TNN: variants seen among roughly 807,000 people sequenced by gnomAD.
The protein encoded by TNN is tenascin-N.
TNN carries 122 observed loss-of-function variants against 134.4 expected under a neutral mutation model. The observed-to-expected ratio is 0.91, with a 90% CI of 0.78 to 1.06. The LOEUF (loss-of-function observed/expected upper bound fraction) is 1.06. TNN is among the 50% of genes least tolerant of loss of function. TNN has a pLI of 0.00. For missense variants in TNN, 1,739 were observed against 1,699.4 expected (o/e 1.02, Z -0.41); for synonymous variants, 710 against 670.3 (o/e 1.06, Z -0.91).
At chr1:175,114,737 G>T (rs568569640) in intron 9 of TNN, among the ~76,000 whole-genome samples, 144 of 94,512 alleles carry the variant, frequency 1.5e-3, no homozygotes, top group African/African-American at 5.9e-3. Context: ...TAACTTGGAG[G>T]AAGAAGAAGT....
intron 11 of TNN, among the ~76,000 whole-genome samples, chr1:175,119,026 C>A (rs1258391378): frequency 2.6e-5 from 4 of 152,208 alleles, no homozygotes; most frequent in African/African-American, 9.7e-5. Context: ...AAAGAAAGAA[C>A]AACGTGTTAT....
intron 4 of TNN, among the ~76,000 whole-genome samples, chr1:175,083,350 T>G (rs1270214204): frequency 6.6e-6 from 1 of 152,184 alleles, no homozygotes; most frequent in Admixed American, 6.5e-5. Flanking sequence ...TATCCTGAGG[T>G]CGTCTTAGAG....
chr1:175,147,043 C>G lies in TNN; in HGVS notation c.3872C>G (p.Thr1291Arg), dbSNP rs766234079. 6.3e-7 allele frequency: 1 copy of G among 1,590,564 alleles called. No homozygotes were observed. Among genetic ancestry groups the G allele is most frequent in the Non-Finnish European group, 8.6e-7 (1 of 1,168,438 alleles). The change falls in exon 19 of 19, where the codon ACG becomes AGG. Residue 1291 changes from threonine to arginine, a missense_variant. Transcript: ENST00000239462. ...CCTGTCCTGGGCAGAAAGAAGCGGA[C>G]GCTGAGAGGAAGGCTGCGAACGTTC... ...REPVLGRKKR[T>R]LRGRLRTF
chr1:175,123,291 T>C (rs1363938686), intron 11 of TNN, 109 bp from the exon 12 acceptor site: 5 of 1,303,158 alleles, frequency 3.8e-6, no homozygotes, highest in Non-Finnish European at 5.3e-6. Flanking sequence ...TAAGTGGAAT[T>C]CTACCATTAT....
At chr1:175,146,819 G>T in intron 18 of TNN, 112 bp from the exon 19 acceptor site, 1 of 1,036,870 alleles carries the variant, frequency 9.6e-7, no homozygotes, top group Non-Finnish European at 1.3e-6. Context: ...GAGCAGAGAG[G>T]GAGTGGTTTC....
At chr1:175,087,810 T>C (rs1674352649) in intron 6 of TNN, among the ~76,000 whole-genome samples, 1 of 152,242 alleles carries the variant, frequency 6.6e-6, no homozygotes, top group Non-Finnish European at 1.5e-5. Flanking sequence ...TTAGGACCTG[T>C]ACTTCTGACC....
Position 175,136,989 on chromosome 1 carries a change from G to A in TNN, c.3595+1G>A. On this transcript the variant is annotated splice_donor_variant, in intron 17 of 18. Coordinates refer to ENST00000239462, the MANE Select transcript of TNN (RefSeq NM_022093.2). LOFTEE classifies it high-confidence loss of function. ...GTTGGGAAATACAGAGGCACGGCAG[G>A]TGAGAAAAAATGTTTTCTTACTGCG... The A allele has an allele frequency of 6.2e-7, 1 of 1,613,506 alleles. No individual in the cohort carries two copies. Among genetic ancestry groups the A allele is most frequent in the Non-Finnish European group, 8.5e-7 (1 of 1,179,772 alleles).
chr1:175,089,200 C>T (rs146187313), intron 6 of TNN, among the ~76,000 whole-genome samples: 22 of 152,296 alleles, frequency 1.4e-4, no homozygotes, highest in African/African-American at 4.8e-4. Flanking sequence ...TTTCTCCAAA[C>T]GTTTTGCATC....
intron 1 of TNN, among the ~76,000 whole-genome samples, chr1:175,075,573 G>A (rs1674020976): frequency 1.3e-5 from 2 of 152,222 alleles, no homozygotes; most frequent in African/African-American, 2.4e-5. Context: ...TGGGATTACA[G>A]ATGTGAGCCA....
intron 6 of TNN, among the ~76,000 whole-genome samples, chr1:175,087,597 A>AAG: frequency 6.6e-6 from 1 of 152,224 alleles, no homozygotes; most frequent in African/African-American, 2.4e-5. Flanking sequence ...TCTCTTACAC[A>AAG]GTCAACACAA....
intron 6 of TNN, among the ~76,000 whole-genome samples, chr1:175,089,873 A>C (rs1674402496): frequency 6.6e-6 from 1 of 152,182 alleles, no homozygotes; most frequent in South Asian, 2.1e-4. Flanking sequence ...TTCCAAACAC[A>C]ATGTTCCATT....
chr1:175,109,246 GC>G (rs1259760526), intron 9 of TNN, among the ~76,000 whole-genome samples: 6 of 146,750 alleles, frequency 4.1e-5, no homozygotes, highest in African/African-American at 1.5e-4. Flanking sequence ...CCGCCACCGC[GC>G]CCGGCTAATT....
chr1:175,122,850 A>T (rs1361292436), intron 11 of TNN, among the ~76,000 whole-genome samples: 1 of 152,200 alleles, frequency 6.6e-6, no homozygotes, highest in African/African-American at 2.4e-5. Flanking sequence ...GAAGAGATTG[A>T]TGACACAGGA....
intron 6 of TNN, among the ~76,000 whole-genome samples, chr1:175,088,758 G>C (rs938515540): frequency 3.9e-5 from 6 of 152,124 alleles, no homozygotes; most frequent in Non-Finnish European, 1.5e-5. Context: ...GATGTATCTG[G>C]GCCAAAGAGA....
chr1:175,125,741 CTTTCTTTCTTTCTT>C (rs1675503817), intron 12 of TNN, among the ~76,000 whole-genome samples: 29 of 131,494 alleles, frequency 2.2e-4, no homozygotes, highest in African/African-American at 6.8e-4. Context: ...TTCTTTCTTT[CTTTCTTTCTTTCTT>C]TCTCTCTCTC....
At chr1:175,089,716 G>A (rs180785267) in intron 6 of TNN, among the ~76,000 whole-genome samples, 3 of 152,160 alleles carry the variant, frequency 2.0e-5, no homozygotes, top group African/African-American at 7.2e-5. Flanking sequence ...TGCTTGCTTT[G>A]TTATAATTTC....
In TNN at chr1:175,079,394, C is replaced by G. The variant is rs1443389090; in HGVS notation, c.471C>G (p.Cys157Trp). Residue 157 changes from cysteine (C) to tryptophan (W), a missense_variant, in exon 3 of 19, where the codon TGC becomes TGG. Coordinates refer to ENST00000239462, the MANE Select transcript of TNN (RefSeq NM_022093.2). ...TFSLETCSCHCEEGREGPACE... is the reference protein window; with the variant it reads ...TFSLETCSCHWEEGREGPACE... ...CCCTGGAGACCTGCAGCTGCCACTG[C>G]GAAGAGGGCAGGGAGGGCCCCGCCT... is the stretch of plus-strand genomic sequence containing the variant. 6.3e-7 allele frequency: 1 copy of G among 1,598,844 alleles called. No homozygotes were observed. Among genetic ancestry groups the G allele is most frequent in the Admixed American group, 1.7e-5 (1 of 59,144 alleles).
intron 6 of TNN, among the ~76,000 whole-genome samples, chr1:175,087,807 C>G (rs9650986): frequency 6.6e-6 from 1 of 152,118 alleles, no homozygotes; most frequent in African/African-American, 2.4e-5. Context: ...AGGTTAGGAC[C>G]TGTACTTCTG....
chr1:175,108,315 T>G (rs1674912663), intron 9 of TNN, among the ~76,000 whole-genome samples: 1 of 152,330 alleles, frequency 6.6e-6, no homozygotes, highest in Non-Finnish European at 1.5e-5. Flanking sequence ...CACAGGGTGC[T>G]GATTGGTGTG....
Sources: allele counts gnomAD v4.1 joint callset (sites outside exome capture counted in the v4.1 genomes callset), GRCh38; gene constraint gnomAD v4.1.1; transcripts MANE v1.5; gene names NCBI Gene and HGNC (gene_info 2026-07-23, HGNC 2026-07-21).